The following ESYT3 variants were observed in gnomAD, a reference collection of about 807,000 sequenced individuals.
ESYT3 encodes extended synaptotagmin-3.
Under a neutral mutation model 111.5 loss-of-function variants are expected in ESYT3, and 101 were observed. That is an observed-to-expected ratio of 0.91 (90% CI 0.77 to 1.07). The LOEUF is 1.07. Among genes scored for constraint, ESYT3 ranks in the 50% least tolerant of loss-of-function variants. The probability of loss-of-function intolerance (pLI) is 0.00; values close to 1 mark genes in which losing one functional copy is unlikely to be tolerated. For missense variants in ESYT3, 1,097 were observed against 1,109.4 expected (o/e 0.99, Z 0.16); for synonymous variants, 416 against 446.8 (o/e 0.93, Z 0.87).
intron 10 of ESYT3, 106 bp downstream of exon 10, chr3:138,465,527 G>C (rs2032885591): frequency 2.3e-6 from 2 of 855,754 alleles, no homozygotes; most frequent in South Asian, 3.3e-5. Context: ...AACCCGCTGT[G>C]GTCACCCTGA....
In ESYT3 at chr3:138,474,331, T is replaced by C. The variant is rs760480402; in HGVS notation, c.2447T>C (p.Leu816Ser). The stretch of plus-strand genomic sequence containing the variant: ...AAGACTTCAGTGAAGCGGAAGACCT[T>C]GGAACCCCTGTTTGATGAGACGTAA... ...RKKTSVKRKT[L>S]EPLFDETFEF... is the part of the protein sequence containing the mutation. The change falls in exon 20 of 23, where the codon TTG (leucine) becomes TCG (serine). Residue 816 changes from leucine to serine, a missense_variant. By Grantham distance (145) the Leu-to-Ser change is moderately radical. Coordinates refer to ENST00000389567, the MANE Select transcript of ESYT3 (RefSeq NM_031913.5). The C allele has an allele frequency of 1.3e-5, 20 of 1,598,306 alleles. No homozygotes were observed. The highest frequency in any genetic ancestry group is 1.7e-5 in the Non-Finnish European group (20 of 1,176,036).
chr3:138,477,747 T>C lies in ESYT3; in HGVS notation c.*893T>C, dbSNP rs1238569432. 2 of 152,198 alleles carry C rather than the reference T, an allele frequency of 1.3e-5. No homozygotes were observed. Among genetic ancestry groups the C allele is most frequent in the African/African-American group, 4.8e-5 (2 of 41,442 alleles). The allele number at this position is 152,198 out of a possible 1,614,324, so 9.4% of individuals were successfully genotyped here. ...AAAGCAAAGTATTAAATTATATGCT[T>C]AAACAAGCGCCTCTTTTACATTTCA... is the stretch of plus-strand genomic sequence containing the variant. On this transcript the variant is annotated 3_prime_UTR_variant, in exon 23 of 23. Coordinates refer to ENST00000389567, the MANE Select transcript of ESYT3 (RefSeq NM_031913.5).
chr3:138,469,170 C>G lies in ESYT3; in HGVS notation c.1435-266C>G, dbSNP rs533470059. The G allele has an allele frequency of 1.2e-5, 7 of 594,438 alleles. No homozygotes were observed. In the East Asian group the frequency reaches 2.0e-4, roughly 17 times the overall value. The allele number at this position is 594,438 out of a possible 1,614,324, so 36.8% of individuals were successfully genotyped here. A position where few individuals can be genotyped will look rare whatever the true frequency, so the allele number is the denominator to read the frequency against. ...CAGATTCCACACTGTTTTCATAGCC[C>G]CAGGGAACGAGAGCCTGTGCCTGGC... On this transcript the variant is annotated intron_variant, in intron 14 of 22. Transcript: ENST00000389567.
At chr3:138,446,440 A>G (rs61381372) in intron 1 of ESYT3, among the ~76,000 whole-genome samples, 3,747 of 152,348 alleles carry the variant, frequency 0.025, 165 homozygotes, top group African/African-American at 0.085. Flanking sequence ...ATTAAATGAC[A>G]TGAGATGACA....
chr3:138,471,129 G>A lies in ESYT3; in HGVS notation c.1740+103G>A, dbSNP rs1576465263. 21 of 895,800 alleles carry A rather than the reference G, an allele frequency of 2.3e-5. No homozygotes were observed. The Admixed American group carries it at 4.0e-4, about 17-fold the overall frequency. The allele number at this position is 895,800 out of a possible 1,614,324, so 55.5% of individuals were successfully genotyped here. A position where few individuals can be genotyped will look rare whatever the true frequency, so the allele number is the denominator to read the frequency against. On this transcript the variant is annotated intron_variant, in intron 17 of 22. Coordinates refer to ENST00000389567, the MANE Select transcript of ESYT3 (RefSeq NM_031913.5). ...AGCACCTGCTGTGTGCCTGGAAGAA[G>A]CCAGGAGATGGATTCATGTTTTTCA...
Position 138,471,765 on chromosome 3 carries a change from A to C in ESYT3, c.1741-598A>C, listed in dbSNP as rs529361942. On this transcript the variant is annotated intron_variant, in intron 17 of 22. Transcript: ENST00000389567. ...GTACCTCAGGTGCATTACAAACTTG[A>C]GTCCATTTTTGTGTATATTTCTTAA... 2.6e-4 allele frequency among the ~76,000 whole-genome samples: 40 copies of C among 152,310 alleles called. 1 individual carries two copies. The highest frequency in any genetic ancestry group is 2.1e-3 in the South Asian group (10 of 4,830).
intron 1 of ESYT3, among the ~76,000 whole-genome samples, chr3:138,442,233 A>G (rs2031206621): frequency 6.6e-6 from 1 of 152,184 alleles, no homozygotes; most frequent in African/African-American, 2.4e-5. Context: ...GAGATACAGT[A>G]TGTTTGGGTG....
chr3:138,458,976 T>TGGGGTCTGGGCTTGGATC, intron 4 of ESYT3, among the ~76,000 whole-genome samples: 1 of 152,244 alleles, frequency 6.6e-6, no homozygotes, highest in Non-Finnish European at 1.5e-5. Flanking sequence ...GGCTGCCTCC[T>TGGGGTCTGGGCTTGGATC]GGGGTCTGGG....
chr3:138,458,912 T>C (rs2032455271), intron 4 of ESYT3, among the ~76,000 whole-genome samples: 1 of 152,160 alleles, frequency 6.6e-6, no homozygotes, highest in Non-Finnish European at 1.5e-5. Flanking sequence ...ATCACTGCTC[T>C]CATGGTCAGA....
intron 1 of ESYT3, among the ~76,000 whole-genome samples, chr3:138,442,656 C>T (rs1022274513): frequency 5.3e-5 from 8 of 152,218 alleles, no homozygotes; most frequent in Non-Finnish European, 1.0e-4. Context: ...TTATGGCTAA[C>T]TTTTCCTCCA....
At chr3:138,475,264 G>A (rs537984658) in intron 20 of ESYT3, among the ~76,000 whole-genome samples, 94 of 152,284 alleles carry the variant, frequency 6.2e-4, no homozygotes, top group African/African-American at 2.2e-3. Flanking sequence ...CAAAATTGTG[G>A]TGTGGTAGCT....
chr3:138,444,873 C>A (rs1347421279), intron 1 of ESYT3, among the ~76,000 whole-genome samples: 3 of 152,166 alleles, frequency 2.0e-5, no homozygotes, highest in Non-Finnish European at 4.4e-5. Flanking sequence ...AGCTGGAAAC[C>A]CAGGCTGTGA....
intron 5 of ESYT3, 54 bp from the exon 6 acceptor site, chr3:138,459,891 G>A (rs1208533197): frequency 1.7e-5 from 25 of 1,508,238 alleles, no homozygotes; most frequent in African/African-American, 2.8e-5. Context: ...GAGCCCAGCA[G>A]GCATGGGGAG....
chr3:138,451,905 CCTGTG>C, intron 1 of ESYT3, 138 bp from the exon 2 acceptor site: 1 of 878,052 alleles, frequency 1.1e-6, no homozygotes, highest in East Asian at 2.6e-5. Flanking sequence ...GGAGAGCGCA[CCTGTG>C]ACCGACGTGG....
chr3:138,476,493 G>C lies in ESYT3; in HGVS notation c.2624+1G>C, dbSNP rs772848850. 1 of 1,613,246 alleles carries C rather than the reference G, an allele frequency of 6.2e-7. No individual in the cohort carries two copies. The highest frequency in any genetic ancestry group is 8.5e-7 in the Non-Finnish European group (1 of 1,179,842). On this transcript the variant is annotated splice_donor_variant, in intron 22 of 22. Coordinates refer to ENST00000389567, the MANE Select transcript of ESYT3 (RefSeq NM_031913.5). LOFTEE classifies it high-confidence loss of function. ...ATCTGATTAAGGGCTTTTCACAATG[G>C]TAAGTGTGCCCTTTCATTTTATCAC... is the stretch of plus-strand genomic sequence containing the variant.
Position 138,454,552 on chromosome 3 carries a change from C to T in ESYT3, c.370-642C>T, listed in dbSNP as rs151263250. On this transcript the variant is annotated intron_variant, in intron 2 of 22. Coordinates refer to ENST00000389567, the MANE Select transcript of ESYT3 (RefSeq NM_031913.5). ...AGCCTGGGCAACAAGAGCGAAACTC[C>T]GTTTGAGAAAAAAGAAAAAGAAGAT... Among the ~76,000 whole-genome samples, 9 of 152,204 alleles carry T rather than the reference C, an allele frequency of 5.9e-5. No homozygotes were observed. The East Asian group carries it at 1.5e-3, about 26-fold the overall frequency.
In ESYT3 at chr3:138,468,105, TG is replaced by T; in HGVS notation, c.1221del (p.Trp407CysfsTer4). The T allele has an allele frequency of 6.2e-7, 1 of 1,614,084 alleles. No individual in the cohort carries two copies. The highest frequency in any genetic ancestry group is 8.5e-7 in the Non-Finnish European group (1 of 1,180,010). On this transcript the variant is annotated frameshift_variant and splice_region_variant, in exon 12 of 23. Transcript: ENST00000389567. LOFTEE classifies it high-confidence loss of function. ...TGAGCTTTCTGCCCCTACCCCACAG[TG>T]GTTTGTCCTGAATGACACAACCAGC... is the stretch of plus-strand genomic sequence containing the variant. ...DVMTNRVVDE[W>X]FVLNDTTSGR... is the part of the protein sequence containing the mutation.
rs113171647 is a variant in ESYT3, at chr3:138,459,172, C to T, written c.582-15C>T. ...ACCCCTCCTCCCCACCTTCCTTTTCCACCCCCCATTTCAGCTACATCGGGG... is the reference window on the plus strand; with the variant it reads ...ACCCCTCCTCCCCACCTTCCTTTTCTACCCCCCATTTCAGCTACATCGGGG... On this transcript the variant is annotated splice_polypyrimidine_tract_variant and intron_variant, in intron 4 of 22. Coordinates refer to ENST00000389567, the MANE Select transcript of ESYT3 (RefSeq NM_031913.5). 159 of 1,490,692 alleles carry T rather than the reference C, an allele frequency of 1.1e-4. 4 individuals carry two copies. In the African/African-American group the frequency reaches 1.6e-3, roughly 15 times the overall value. 92.3% of individuals were successfully genotyped at this position (1,490,692 alleles called of 1,614,324 possible).
chr3:138,436,785 C>T (rs1241828922), intron 1 of ESYT3, among the ~76,000 whole-genome samples: 1 of 152,192 alleles, frequency 6.6e-6, no homozygotes, highest in African/African-American at 2.4e-5. Flanking sequence ...TGTTTTGTCC[C>T]CCTTGATGGC....
Sources: allele counts gnomAD v4.1 joint callset (sites outside exome capture counted in the v4.1 genomes callset), GRCh38; gene constraint gnomAD v4.1.1; transcripts MANE v1.5; gene names NCBI Gene and HGNC (gene_info 2026-07-23, HGNC 2026-07-21).